Variants in KHDRBS3 observed in about 807,000 individuals in gnomAD.
The protein encoded by KHDRBS3 is KH domain-containing, RNA-binding, signal transduction-associated protein 3.
Under a neutral mutation model 45.6 loss-of-function variants are expected in KHDRBS3, and 23 were observed. That is an observed-to-expected ratio of 0.50 (90% CI 0.36 to 0.72). The LOEUF is 0.72. Ranked by LOEUF, KHDRBS3 falls within the 30% of genes least tolerant of loss-of-function variation. The pLI, the probability that KHDRBS3 is intolerant of heterozygous loss-of-function variation, is 0.00. For missense variants in KHDRBS3, 352 were observed against 424.8 expected (o/e 0.83, Z 1.51); for synonymous variants, 162 against 156.5 (o/e 1.04, Z -0.26).
chr8:135,574,423 G>A (rs1026423891), intron 5 of KHDRBS3, among the ~76,000 whole-genome samples: 2 of 152,122 alleles, frequency 1.3e-5, no homozygotes, highest in Non-Finnish European at 2.9e-5. Context: ...TTGCATAGCA[G>A]ATAAAAATGC....
At chr8:135,655,996 T>C (rs558143493) in intron 4 of KHDRBS3, among the ~76,000 whole-genome samples, 78 of 152,316 alleles carry the variant, frequency 5.1e-4, no homozygotes, top group African/African-American at 1.4e-3. Context: ...TAATGGATAG[T>C]AGTGTAATCA....
At chr8:135,618,862 G>T (rs1313117289) in intron 7 of KHDRBS3, among the ~76,000 whole-genome samples, 3 of 152,166 alleles carry the variant, frequency 2.0e-5, no homozygotes, top group Non-Finnish European at 4.4e-5. Flanking sequence ...CTGGCACGTG[G>T]CACTTGGAAT....
intron 5 of KHDRBS3, among the ~76,000 whole-genome samples, 195 bp from the exon 6 acceptor site, chr8:135,581,683 G>A (rs564885759): frequency 6.4e-4 from 97 of 152,280 alleles, no homozygotes; most frequent in African/African-American, 2.2e-3. Context: ...GTTGCTAGAC[G>A]AACTGCCTAA....
At chr8:135,570,051 T>G (rs1280431362) in intron 5 of KHDRBS3, among the ~76,000 whole-genome samples, 1 of 152,216 alleles carries the variant, frequency 6.6e-6, no homozygotes, top group African/African-American at 2.4e-5. Flanking sequence ...ACGGGGCAAT[T>G]CTGTATCTGT....
At chr8:135,474,370 A>G (rs774807172) in intron 1 of KHDRBS3, among the ~76,000 whole-genome samples, 1 of 152,262 alleles carries the variant, frequency 6.6e-6, no homozygotes, top group African/African-American at 2.4e-5. Context: ...TGCAGTATGC[A>G]TGAATCGAAC....
chr8:135,612,778 C>T (rs977167151), intron 7 of KHDRBS3, among the ~76,000 whole-genome samples: 2 of 151,732 alleles, frequency 1.3e-5, no homozygotes. Flanking sequence ...CTCAGTCCCC[C>T]ATGGCAGCCA....
intron 1 of KHDRBS3, among the ~76,000 whole-genome samples, chr8:135,495,583 C>T (rs1432018999): frequency 6.6e-6 from 1 of 152,202 alleles, no homozygotes; most frequent in African/African-American, 2.4e-5. Flanking sequence ...CACTTTTACT[C>T]CCACTTCACC....
intron 7 of KHDRBS3, among the ~76,000 whole-genome samples, chr8:135,630,531 G>C (rs930915588): frequency 1.1e-5 from 1 of 93,720 alleles, no homozygotes; most frequent in Non-Finnish European, 2.3e-5. Context: ...TAACAATTGG[G>C]ATACATTCTG....
chr8:135,602,455 A>G (rs1829259773), intron 6 of KHDRBS3, among the ~76,000 whole-genome samples: 1 of 152,230 alleles, frequency 6.6e-6, no homozygotes, highest in African/African-American at 2.4e-5. Flanking sequence ...CAATAACTCA[A>G]AGACCTAAAC....
intron 1 of KHDRBS3, among the ~76,000 whole-genome samples, chr8:135,503,872 A>G (rs1426399885): frequency 1.3e-5 from 2 of 152,220 alleles, no homozygotes; most frequent in African/African-American, 2.4e-5. Context: ...TGTGATCAGC[A>G]TATTTAATTC....
chr8:135,625,710 A>G (rs1830328249), intron 7 of KHDRBS3: 1 of 783,682 alleles, frequency 1.3e-6, no homozygotes, highest in African/African-American at 1.7e-5. Flanking sequence ...GTCCACAGGA[A>G]TTATTTTGTC....
intron 6 of KHDRBS3, among the ~76,000 whole-genome samples, chr8:135,603,148 A>G (rs1829293847): frequency 6.6e-6 from 1 of 152,164 alleles, no homozygotes; most frequent in Admixed American, 6.5e-5. Context: ...CTTACCCTTG[A>G]CATGGCAATT....
intron 5 of KHDRBS3, among the ~76,000 whole-genome samples, chr8:135,581,148 T>C (rs566421558): frequency 7.9e-5 from 12 of 152,328 alleles, no homozygotes; most frequent in African/African-American, 2.9e-4. Context: ...GAGGGCCTTA[T>C]CCAGATGAGG....
At chr8:135,586,680 T>A (rs1455884210) in intron 6 of KHDRBS3, among the ~76,000 whole-genome samples, 2 of 152,206 alleles carry the variant, frequency 1.3e-5, no homozygotes, top group East Asian at 3.8e-4. Context: ...TCTTTGGAAC[T>A]CAGAAACGTA....
intron 7 of KHDRBS3, among the ~76,000 whole-genome samples, chr8:135,629,956 C>T (rs1434408626): frequency 6.6e-6 from 1 of 152,206 alleles, no homozygotes; most frequent in Non-Finnish European, 1.5e-5. Context: ...TGGGCAGAAA[C>T]ACCTCCCGAG....
At chr8:135,535,816 G>A (rs79611979) in intron 2 of KHDRBS3, among the ~76,000 whole-genome samples, 1,732 of 152,134 alleles carry the variant, frequency 0.011, 31 homozygotes, top group African/African-American at 0.037. Flanking sequence ...TCAAGGCACC[G>A]GCAGGTTTAC....
At chr8:135,621,030 A>C (rs1830116247) in intron 7 of KHDRBS3, among the ~76,000 whole-genome samples, 1 of 152,080 alleles carries the variant, frequency 6.6e-6, no homozygotes, top group Non-Finnish European at 1.5e-5. Flanking sequence ...TTTCTTTATT[A>C]GAAACCCAGT....
rs1434816091 is a variant in KHDRBS3 at position 135,469,506 on chromosome 8, GTTTTTTTTTTGTTTTGGTTTTTT to G, written c.88+11563_88+11585del. Among the ~76,000 whole-genome samples the G allele has an allele frequency of 5.0e-4, 56 of 111,268 alleles. 4 individuals carry two copies. The highest frequency in any genetic ancestry group is 0.011 in the Middle Eastern group (2 of 182). The allele number at this position is 111,268 out of a possible 152,430, so 73.0% of individuals were successfully genotyped here. A position where few individuals can be genotyped will look rare whatever the true frequency, so the allele number is the denominator to read the frequency against. On this transcript the variant is annotated intron_variant, in intron 1 of 8. Transcript: ENST00000355849. ...GTTTCACCATGTTAGCCAGGATGGT[GTTTTTTTTTTGTTTTGGTTTTTT>G]TTTTTTTTTTTTTTTTTTGAGACGA...
At chr8:135,497,812 A>G (rs1394980170) in intron 1 of KHDRBS3, among the ~76,000 whole-genome samples, 1 of 152,166 alleles carries the variant, frequency 6.6e-6, no homozygotes, top group Non-Finnish European at 1.5e-5. Context: ...GTGTTAACCA[A>G]GTGAGTAAGT....
Sources: allele counts gnomAD v4.1 joint callset (sites outside exome capture counted in the v4.1 genomes callset), GRCh38; gene constraint gnomAD v4.1.1; transcripts MANE v1.5; gene names NCBI Gene and HGNC (gene_info 2026-07-23, HGNC 2026-07-21).